OSBPL11: variants seen among roughly 807,000 people sequenced by gnomAD.
OSBPL11 encodes oxysterol binding protein like 11, also known as oxysterol-binding protein-related protein 11.
Under a neutral mutation model 84.4 loss-of-function variants are expected in OSBPL11, and 33 were observed. The observed-to-expected ratio is 0.39, with a 90% CI of 0.30 to 0.52. The LOEUF is 0.52. OSBPL11 is among the 20% of genes least tolerant of loss of function. The pLI is 0.72. For synonymous variants in OSBPL11, 276 were observed against 310.2 expected (o/e 0.89, Z 1.16); for missense variants, 736 against 901.1 (o/e 0.82, Z 2.35).
chr3:125,532,831 T>C (rs1017401969), intron 11 of OSBPL11, among the ~76,000 whole-genome samples: 1 of 70,864 alleles, frequency 1.4e-5, no homozygotes, highest in African/African-American at 1.0e-4. Flanking sequence ...GATATATCCA[T>C]ACAGTGCAAT....
intron 6 of OSBPL11, among the ~76,000 whole-genome samples, chr3:125,566,659 T>C (rs1020463908): frequency 2.6e-5 from 4 of 152,190 alleles, no homozygotes; most frequent in Non-Finnish European, 1.5e-5. Context: ...GCTCATACAA[T>C]GTGATGAGCA....
rs757258734 is a variant in OSBPL11 at position 125,576,289 on chromosome 3, C to T, written c.566G>A (p.Ser189Asn). The change falls in exon 5 of 13, where the codon AGT becomes AAT. Residue 189 changes from serine (S) to asparagine (N), a missense_variant. Coordinates refer to ENST00000296220, the MANE Select transcript of OSBPL11 (RefSeq NM_022776.5). The part of the protein sequence containing the change: ...SNSPISQRRP[S>N]QNAISFFNVG... ...ATTAAAAAAAGAAATGGCATTTTGA[C>T]TTGGTCTCCTCTGCGATATAGGAGA... 1.6e-5 allele frequency: 25 copies of T among 1,610,554 alleles called. No homozygotes were observed. In the Admixed American group the frequency reaches 3.0e-4, roughly 20 times the overall value.
intron 1 of OSBPL11, among the ~76,000 whole-genome samples, chr3:125,594,270 GCTGAGTTAAACAGTTC>G (rs1210816892): frequency 6.6e-6 from 1 of 152,220 alleles, no homozygotes; most frequent in East Asian, 1.9e-4. Context: ...TCTCGAGAAA[GCTGAGTTAAACAGTTC>G]CTGCCCTCGC....
At chr3:125,580,509 C>T (rs1462779262) in intron 2 of OSBPL11, among the ~76,000 whole-genome samples, 2 of 103,802 alleles carry the variant, frequency 1.9e-5, no homozygotes, top group Admixed American at 1.1e-4. Flanking sequence ...AGCAAAACTC[C>T]GTCTCAAAAA....
chr3:125,544,139 T>C (rs1935776692), intron 10 of OSBPL11, among the ~76,000 whole-genome samples: 1 of 150,936 alleles, frequency 6.6e-6, no homozygotes, highest in Middle Eastern at 3.2e-3. Flanking sequence ...CACTGCAATC[T>C]CTGCCTCCCA....
chr3:125,529,676 C>T lies in OSBPL11; in HGVS notation c.*839G>A, dbSNP rs1050444001. On this transcript the variant is annotated 3_prime_UTR_variant, in exon 13 of 13. Coordinates refer to ENST00000296220, the MANE Select transcript of OSBPL11 (RefSeq NM_022776.5). ...TTTATTTTTTAATATTTGCTATTTT[C>T]TTTAATGCCTTAGTTCTGGAGAAAG... is the stretch of plus-strand genomic sequence containing the variant. 1.3e-5 allele frequency: 2 copies of T among 152,536 alleles called. No individual in the cohort carries two copies. The highest frequency in any genetic ancestry group is 4.8e-5 in the African/African-American group (2 of 41,452). The allele number at this position is 152,536 out of a possible 1,614,324, so 9.4% of individuals were successfully genotyped here.
At position 125,595,478 on chromosome 3, in the gene OSBPL11, C is replaced by G. The variant is rs1046342038; in HGVS notation, c.-678G>C. 1.3e-5 allele frequency among the ~76,000 whole-genome samples: 2 copies of G among 152,178 alleles called. No homozygotes were observed. Among genetic ancestry groups the G allele is most frequent in the African/African-American group, 4.8e-5 (2 of 41,440 alleles). On this transcript the variant is annotated 5_prime_UTR_variant, in exon 1 of 13. Transcript: ENST00000296220. ...GGAGCCGGTGAGTCTCTCGCGCTAT[C>G]TCCAGACCCAAGCGCGAATGCCAGG... is the stretch of plus-strand genomic sequence containing the variant.
intron 9 of OSBPL11, among the ~76,000 whole-genome samples, chr3:125,551,758 A>G (rs911902822): frequency 1.3e-5 from 2 of 152,106 alleles, no homozygotes; most frequent in Non-Finnish European, 1.5e-5. Context: ...AGCCTGGATG[A>G]CAGAGCGAGA....
At chr3:125,531,291 T>C (rs958839917) in intron 12 of OSBPL11, among the ~76,000 whole-genome samples, 115 of 143,366 alleles carry the variant, frequency 8.0e-4, no homozygotes, top group African/African-American at 2.8e-3. Context: ...CAGCTCATTT[T>C]TCTTTTTTTT....
In OSBPL11 at chr3:125,578,992, A is replaced by C. The variant is rs763430454; in HGVS notation, c.457T>G (p.Cys153Gly). The change falls in exon 4 of 13, where the codon TGT (cysteine) becomes GGT (glycine). Residue 153 changes from cysteine (C) to glycine (G), a missense_variant. Cys to Gly is a radical substitution (Grantham distance 159). Coordinates refer to ENST00000296220, the MANE Select transcript of OSBPL11 (RefSeq NM_022776.5). ...RQHWVSRLQI[C>G]TQHHTEAIGK... The stretch of plus-strand genomic sequence containing the variant: ...ATAGCTTCAGTATGATGCTGTGTAC[A>C]TATCTGAAGTCTGCTAACCCAGTGC... The C allele has an allele frequency of 6.3e-7, 1 of 1,594,306 alleles. No individual in the cohort carries two copies. The highest frequency in any genetic ancestry group is 1.8e-4 in the Middle Eastern group (1 of 5,492).
intron 8 of OSBPL11, among the ~76,000 whole-genome samples, chr3:125,556,130 G>A (rs1935987470): frequency 6.6e-6 from 1 of 152,186 alleles, no homozygotes; most frequent in Non-Finnish European, 1.5e-5. Context: ...AACCAAGAAA[G>A]AAGAAACGGA....
In OSBPL11 at chr3:125,547,586, AG is replaced by A; in HGVS notation, c.1660del (p.Ser555ValfsTer22). The part of the protein sequence containing the change: ...IGVTMVGEGI[L>X]SLLEHGEEYT... ...CTCTTCTCCATGCTCCAACAGACTAAGGATACCTGAATGTGAAAACATGAGG... is the reference window on the plus strand; with the variant it reads ...CTCTTCTCCATGCTCCAACAGACTAAGATACCTGAATGTGAAAACATGAGG... On this transcript the variant is annotated frameshift_variant, in exon 10 of 13. Coordinates refer to ENST00000296220, the MANE Select transcript of OSBPL11 (RefSeq NM_022776.5). LOFTEE classifies it high-confidence loss of function. 1 of 1,592,550 alleles carries A rather than the reference AG, an allele frequency of 6.3e-7. No homozygotes were observed. The highest frequency in any genetic ancestry group is 8.5e-7 in the Non-Finnish European group (1 of 1,169,592).
intron 1 of OSBPL11, among the ~76,000 whole-genome samples, chr3:125,593,082 G>C (rs1378931750): frequency 1.3e-5 from 2 of 152,084 alleles, no homozygotes; most frequent in Non-Finnish European, 2.9e-5. Context: ...ACATTCGAAG[G>C]CACCTCACAA....
chr3:125,594,840 G>A lies in OSBPL11; in HGVS notation c.-40C>T. On this transcript the variant is annotated 5_prime_UTR_variant, in exon 1 of 13. Transcript: ENST00000296220. ...CCACTTGCCCTTCTTGAGCGGGAGA[G>A]AACAATTCTGTAGTTCTGTAGGTGA... 5 of 1,596,490 alleles carry A rather than the reference G, an allele frequency of 3.1e-6. No homozygotes were observed. Among genetic ancestry groups the A allele is most frequent in the Non-Finnish European group, 3.4e-6 (4 of 1,170,392 alleles).
chr3:125,594,092 C>A (rs1559850927), intron 1 of OSBPL11, among the ~76,000 whole-genome samples: 2 of 152,312 alleles, frequency 1.3e-5, no homozygotes, highest in South Asian at 4.1e-4. Flanking sequence ...CATCTCCAGG[C>A]TCAGGTTTAG....
At chr3:125,582,866 G>A in intron 2 of OSBPL11, 44 bp downstream of exon 2, 3 of 1,335,096 alleles carry the variant, frequency 2.2e-6, no homozygotes, top group Non-Finnish European at 3.1e-6. Flanking sequence ...CCCTATTCCT[G>A]CTCTCTTAGG....
chr3:125,537,327 C>G (rs775374330), intron 11 of OSBPL11, among the ~76,000 whole-genome samples: 7 of 152,024 alleles, frequency 4.6e-5, no homozygotes, highest in Non-Finnish European at 7.4e-5. Flanking sequence ...CTAGATTAGT[C>G]CTAAGGCCCA....
intron 10 of OSBPL11, among the ~76,000 whole-genome samples, chr3:125,540,824 A>T (rs1935719357): frequency 6.6e-6 from 1 of 152,148 alleles, no homozygotes; most frequent in Admixed American, 6.6e-5. Context: ...CAGCAAAAAC[A>T]GCACGAAGAG....
chr3:125,535,680 G>A (rs112956496), intron 11 of OSBPL11, among the ~76,000 whole-genome samples: 14,248 of 150,278 alleles, frequency 0.095, 1,392 homozygotes, highest in African/African-American at 0.25. Flanking sequence ...TCACCATGTT[G>A]GCCAGGCTGG....
Sources: allele counts gnomAD v4.1 joint callset (sites outside exome capture counted in the v4.1 genomes callset), GRCh38; gene constraint gnomAD v4.1.1; transcripts MANE v1.5; gene names NCBI Gene and HGNC (gene_info 2026-07-23, HGNC 2026-07-21).